Variants in DLGAP2 observed in about 807,000 individuals in gnomAD.
DLGAP2 encodes DLG associated protein 2.
A neutral mutation model predicts 100.3 loss-of-function variants in DLGAP2; 26 were observed. That is an observed-to-expected ratio of 0.26 (90% CI 0.19 to 0.36). DLGAP2 has a LOEUF of 0.36. Among genes scored for constraint, DLGAP2 ranks in the 10% least tolerant of loss-of-function variants. DLGAP2 has a pLI of 1.00. For synonymous variants in DLGAP2, 886 were observed against 630.1 expected (o/e 1.41, Z -6.08); for missense variants, 1,858 against 1,453.2 (o/e 1.28, Z -4.53).
chr8:1,655,757 A>C (rs1037901778), intron 8 of DLGAP2, among the ~76,000 whole-genome samples: 3 of 152,198 alleles, frequency 2.0e-5, no homozygotes, highest in Admixed American at 2.0e-4. Context: ...GGCTAACCCA[A>C]CACCTTGAAG....
At chr8:1,378,438 A>C (rs182396723) in intron 3 of DLGAP2, among the ~76,000 whole-genome samples, 1 of 137,740 alleles carries the variant, frequency 7.3e-6, no homozygotes, top group East Asian at 2.2e-4. Flanking sequence ...ACCTGACCTC[A>C]CCTGTCCATC....
chr8:755,275 G>A (rs956438987), intron 1 of DLGAP2, among the ~76,000 whole-genome samples: 3 of 152,052 alleles, frequency 2.0e-5, no homozygotes, highest in African/African-American at 7.2e-5. Context: ...CTTGGGCAAC[G>A]TGGCAAAACC....
At chr8:1,164,407 G>GTTTGTGGGGAT (rs1796972900) in intron 2 of DLGAP2, among the ~76,000 whole-genome samples, 2 of 152,036 alleles carry the variant, frequency 1.3e-5, no homozygotes, top group South Asian at 2.1e-4. Context: ...CGTCGTTTTG[G>GTTTGTGGGGAT]TTTCTCTGGA....
rs190679309 is a variant in DLGAP2, at chr8:1,235,386, G to C, written c.74-23465G>C. On this transcript the variant is annotated intron_variant, in intron 2 of 14. Coordinates refer to ENST00000637795, the MANE Select transcript of DLGAP2 (RefSeq NM_001346810.2). ...GTCGTGTCTAGTTCCCTCACACATG[G>C]CGTTGTGTCTCGTTCTCTCTCACGT... Among the ~76,000 whole-genome samples the C allele has an allele frequency of 1.4e-3, 201 of 146,914 alleles. 1 individual carries two copies. Among genetic ancestry groups the C allele is most frequent in the Non-Finnish European group, 5.1e-4 (34 of 66,944 alleles).
chr8:815,038 A>G (rs1430339516), intron 1 of DLGAP2, among the ~76,000 whole-genome samples: 1 of 152,132 alleles, frequency 6.6e-6, no homozygotes, highest in Admixed American at 6.6e-5. Context: ...GAGCGGATAT[A>G]TCTGAAAAGC....
chr8:975,321 G>T (rs958098795), intron 2 of DLGAP2, among the ~76,000 whole-genome samples: 1 of 152,100 alleles, frequency 6.6e-6, no homozygotes, highest in Admixed American at 6.5e-5. Flanking sequence ...ATTTAAGGAA[G>T]ATAATTATTT....
intron 1 of DLGAP2, among the ~76,000 whole-genome samples, chr8:863,934 C>A (rs1797442388): frequency 6.6e-6 from 1 of 152,134 alleles, no homozygotes; most frequent in African/African-American, 2.4e-5. Context: ...TTCCCCACAG[C>A]CCAGAAACGG....
At position 1,703,786 on chromosome 8, in the gene DLGAP2, C is replaced by G. The variant is rs534975300; in HGVS notation, c.*2380C>G. On this transcript the variant is annotated 3_prime_UTR_variant, in exon 15 of 15. Coordinates refer to ENST00000637795, the MANE Select transcript of DLGAP2 (RefSeq NM_001346810.2). The stretch of plus-strand genomic sequence containing the variant: ...GTTGATTTCTTATGTTTTGTAGACT[C>G]ATTGTTATTTTTCAATCCCCAAAAG... The G allele has an allele frequency of 1.3e-5, 2 of 152,628 alleles. No homozygotes were observed. The highest frequency in any genetic ancestry group is 6.5e-5 in the Admixed American group (1 of 15,298). 9.5% of individuals were successfully genotyped at this position (152,628 alleles called of 1,614,324 possible). A position where few individuals can be genotyped will look rare whatever the true frequency, so the allele number is the denominator to read the frequency against.
chr8:1,679,897 T>G (rs745324349), intron 12 of DLGAP2, among the ~76,000 whole-genome samples: 2 of 146,430 alleles, frequency 1.4e-5, no homozygotes, highest in South Asian at 2.2e-4. Context: ...GGAAAATCAC[T>G]TGAACCTGGG....
chr8:1,678,076 C>CACAA, intron 11 of DLGAP2, 138 bp from the exon 12 acceptor site: 1 of 935,736 alleles, frequency 1.1e-6, no homozygotes, highest in Non-Finnish European at 1.6e-6. Context: ...CAGCATATTT[C>CACAA]ACAAACAAAA....
chr8:1,354,685 A>G (rs1282203674), intron 3 of DLGAP2, among the ~76,000 whole-genome samples: 277 of 19,618 alleles, frequency 0.014, no homozygotes, highest in Middle Eastern at 0.12. Flanking sequence ...CTGCGGATGA[A>G]GGTGGAAAGT....
At chr8:954,148 A>T (rs1228977378) in intron 2 of DLGAP2, among the ~76,000 whole-genome samples, 4 of 152,064 alleles carry the variant, frequency 2.6e-5, no homozygotes, top group African/African-American at 9.7e-5. Flanking sequence ...ACACTGCCTA[A>T]GAGAAATTTT....
chr8:1,683,271 G>C lies in DLGAP2; in HGVS notation c.2704+4642G>C, dbSNP rs571176215. Among the ~76,000 whole-genome samples, 262 of 151,696 alleles carry C rather than the reference G, an allele frequency of 1.7e-3. 4 individuals carry two copies. Among genetic ancestry groups the C allele is most frequent in the African/African-American group, 6.0e-3 (249 of 41,502 alleles). On this transcript the variant is annotated intron_variant, in intron 12 of 14. Coordinates refer to ENST00000637795, the MANE Select transcript of DLGAP2 (RefSeq NM_001346810.2). ...CTGTGCTGGGCCTTGACACGCGGTT[G>C]GATTTGGTCAAGGTGGTGGATGGTG...
chr8:1,448,819 A>G (rs1435990910), intron 3 of DLGAP2, among the ~76,000 whole-genome samples: 1 of 152,124 alleles, frequency 6.6e-6, no homozygotes, highest in East Asian at 1.9e-4. Context: ...CATTGCCCTG[A>G]TCCGGCCATG....
At chr8:1,209,567 A>G (rs1445853355) in intron 2 of DLGAP2, among the ~76,000 whole-genome samples, 1 of 152,132 alleles carries the variant, frequency 6.6e-6, no homozygotes, top group Non-Finnish European at 1.5e-5. Context: ...ATAAATTCCT[A>G]TGTTGAAGCC....
intron 2 of DLGAP2, among the ~76,000 whole-genome samples, chr8:1,112,584 T>C (rs557135870): frequency 6.6e-6 from 1 of 152,190 alleles, no homozygotes; most frequent in African/African-American, 2.4e-5. Flanking sequence ...TCTTGTAAAT[T>C]TGTTTAAGTT....
chr8:1,275,011 A>G (rs1156383988), intron 3 of DLGAP2, among the ~76,000 whole-genome samples: 1 of 151,924 alleles, frequency 6.6e-6, no homozygotes, highest in Non-Finnish European at 1.5e-5. Flanking sequence ...TTCCCTGTTT[A>G]TTGCTTGCTC....
intron 1 of DLGAP2, among the ~76,000 whole-genome samples, chr8:871,737 C>A (rs1166320655): frequency 1.3e-5 from 2 of 152,116 alleles, no homozygotes; most frequent in Non-Finnish European, 2.9e-5. Context: ...CTTCTGGTCC[C>A]ACGCATTTTG....
intron 2 of DLGAP2, among the ~76,000 whole-genome samples, chr8:1,174,004 C>G (rs1797194158): frequency 6.6e-6 from 1 of 152,150 alleles, no homozygotes; most frequent in Non-Finnish European, 1.5e-5. Flanking sequence ...TGGAGCTATT[C>G]CTATTTGGCC....
Sources: allele counts gnomAD v4.1 joint callset (sites outside exome capture counted in the v4.1 genomes callset), GRCh38; gene constraint gnomAD v4.1.1; transcripts MANE v1.5; gene names NCBI Gene and HGNC (gene_info 2026-07-23, HGNC 2026-07-21).